Variants in RPS6KA2 observed in about 807,000 individuals in gnomAD.
The protein encoded by RPS6KA2 is ribosomal protein S6 kinase alpha-2.
Under a neutral mutation model 91.8 loss-of-function variants are expected in RPS6KA2, and 42 were observed. That is an observed-to-expected ratio of 0.46 (90% CI 0.36 to 0.59). The LOEUF (loss-of-function observed/expected upper bound fraction) is 0.59. Among genes scored for constraint, RPS6KA2 ranks in the 20% least tolerant of loss-of-function variants. The pLI is 0.00. For synonymous variants in RPS6KA2, 414 were observed against 393.6 expected (o/e 1.05, Z -0.61); for missense variants, 798 against 978.5 (o/e 0.82, Z 2.46).
chr6:166,519,174 A>C (rs1231656820), intron 3 of RPS6KA2, among the ~76,000 whole-genome samples: 3 of 152,238 alleles, frequency 2.0e-5, no homozygotes, highest in African/African-American at 7.2e-5. Flanking sequence ...ATGTATAAAA[A>C]AGAAAACCAA....
chr6:166,701,013 A>G, intron 2 of RPS6KA2: 2 of 1,081,866 alleles, frequency 1.8e-6, no homozygotes, highest in Non-Finnish European at 2.8e-6. Context: ...GATTCTGGAT[A>G]GGGGGTCAGC....
intron 2 of RPS6KA2, among the ~76,000 whole-genome samples, chr6:166,730,867 G>A (rs552606708): frequency 1.3e-5 from 2 of 152,116 alleles, no homozygotes; most frequent in African/African-American, 4.8e-5. Context: ...TGTAGTATCC[G>A]GGTAGTCATC....
chr6:166,538,605 C>T lies in RPS6KA2; in HGVS notation c.216+63G>A. ...CGCCTGCAATTTTCATCCAGGGGGG[C>T]TCTGTCCAGGTGTCCTTTGTGTTCA... On this transcript the variant is annotated intron_variant, in intron 2 of 20. Coordinates refer to ENST00000265678, the MANE Select transcript of RPS6KA2 (RefSeq NM_021135.6). 2 of 911,962 alleles carry T rather than the reference C, an allele frequency of 2.2e-6. 1 individual carries two copies. The highest frequency in any genetic ancestry group is 2.8e-5 in the South Asian group (2 of 71,744). The allele number at this position is 911,962 out of a possible 1,614,324, so 56.5% of individuals were successfully genotyped here.
intron 1 of RPS6KA2, among the ~76,000 whole-genome samples, chr6:166,625,760 G>C (rs573315232): frequency 1.6e-4 from 24 of 152,062 alleles, no homozygotes; most frequent in South Asian, 1.0e-3. Flanking sequence ...TCCAGTACTG[G>C]ATTAACAGTT....
intron 2 of RPS6KA2, among the ~76,000 whole-genome samples, chr6:166,806,444 T>C (rs1779494216): frequency 6.6e-6 from 1 of 152,198 alleles, no homozygotes; most frequent in Non-Finnish European, 1.5e-5. Context: ...TCAAAAACTT[T>C]GGTGGCCAGA....
chr6:166,800,651 C>T (rs1169579192), intron 2 of RPS6KA2, among the ~76,000 whole-genome samples: 1 of 152,180 alleles, frequency 6.6e-6, no homozygotes, highest in Admixed American at 6.5e-5. Flanking sequence ...TCTTGGACTT[C>T]CGGCCTCCAG....
intron 6 of RPS6KA2, among the ~76,000 whole-genome samples, chr6:166,503,796 T>C (rs959628251): frequency 7.2e-5 from 11 of 152,252 alleles, no homozygotes; most frequent in Non-Finnish European, 1.5e-4. Flanking sequence ...ATGGGAACAC[T>C]ATTATTTTGG....
At chr6:166,606,446 C>G (rs540467219) in intron 1 of RPS6KA2, among the ~76,000 whole-genome samples, 34 of 152,344 alleles carry the variant, frequency 2.2e-4, no homozygotes, top group African/African-American at 7.5e-4. Context: ...ATCTAAGCAG[C>G]GTTGTGTAGG....
intron 2 of RPS6KA2, among the ~76,000 whole-genome samples, chr6:166,775,833 C>A (rs1418496780): frequency 6.6e-6 from 1 of 152,238 alleles, no homozygotes; most frequent in Non-Finnish European, 1.5e-5. Context: ...CTCGGAACTG[C>A]GAAGGGGCAG....
chr6:166,770,506 T>G lies in RPS6KA2; in HGVS notation c.123+87694A>C, dbSNP rs1778438397. On this transcript the variant is annotated intron_variant, in intron 2 of 21. Transcript: ENST00000503859. The surrounding 1 kb of genome is among the most constrained non-coding windows in gnomAD (Gnocchi z 5.1). The stretch of plus-strand genomic sequence containing the variant: ...TGCCGCTGGTAATTTCAGCTTATTT[T>G]GAAGGCACGTCGTAGTTTTAAAAGG... Among the ~76,000 whole-genome samples, 1 of 152,196 alleles carries G rather than the reference T, an allele frequency of 6.6e-6. No homozygotes were observed. The highest frequency in any genetic ancestry group is 2.4e-5 in the African/African-American group (1 of 41,440).
At position 166,488,821 on chromosome 6, in the gene RPS6KA2, G is replaced by A. The variant is rs377363303; in HGVS notation, c.907+12C>T. 3.3e-4 allele frequency: 529 copies of A among 1,606,142 alleles called. 2 individuals are homozygous for A. In the South Asian group the frequency reaches 4.0e-3, roughly 12 times the overall value. ...GCACGTTCCCGTGGTGGGGTGTCCC[G>A]GGGAATCTTACCCAGCCGGTTGCAG... On this transcript the variant is annotated intron_variant, in intron 10 of 20. Coordinates refer to ENST00000265678, the MANE Select transcript of RPS6KA2 (RefSeq NM_021135.6).
intron 5 of RPS6KA2, among the ~76,000 whole-genome samples, chr6:166,505,806 T>C (rs564062441): frequency 1.3e-5 from 2 of 152,194 alleles, no homozygotes; most frequent in Non-Finnish European, 2.9e-5. Flanking sequence ...CCCGGATGTA[T>C]GTTTCTTTTC....
intron 3 of RPS6KA2, among the ~76,000 whole-genome samples, chr6:166,516,824 G>A (rs192367638): frequency 1.3e-5 from 2 of 152,342 alleles, no homozygotes; most frequent in East Asian, 3.9e-4. Context: ...ATGATCTGAA[G>A]CTGAGACCTG....
At chr6:166,577,875 T>G (rs1457750012) in intron 1 of RPS6KA2, among the ~76,000 whole-genome samples, 1 of 152,214 alleles carries the variant, frequency 6.6e-6, no homozygotes, top group East Asian at 1.9e-4. Context: ...TGTACTGCCA[T>G]AATTCCCTTG....
In RPS6KA2 at chr6:166,480,521, T is replaced by TA. The variant is rs58223795; in HGVS notation, c.907+8311_907+8312insT. ...TATATATATATATATATATAATATA[T>TA]TTTTTTTTTTTGAGAGAGAGTTTTG... On this transcript the variant is annotated intron_variant, in intron 10 of 20. Transcript: ENST00000265678. Among the ~76,000 whole-genome samples, 45 of 111,398 alleles carry TA rather than the reference T, an allele frequency of 4.0e-4. 1 individual carries two copies. Among genetic ancestry groups the TA allele is most frequent in the African/African-American group, 1.7e-3 (41 of 23,974 alleles). 73.1% of individuals were successfully genotyped at this position (111,398 alleles called of 152,430 possible).
Position 166,437,804 on chromosome 6 carries a change from C to G in RPS6KA2, c.1333-5314G>C, listed in dbSNP as rs1191411356. Among the ~76,000 whole-genome samples, 1 of 152,126 alleles carries G rather than the reference C, an allele frequency of 6.6e-6. No individual in the cohort carries two copies. The highest frequency in any genetic ancestry group is 1.5e-5 in the Non-Finnish European group (1 of 68,002). ...GGCGACAACAGGAGACTTCGCTGCT[C>G]TTGATAACACCTTTCCTCCTGCTGG... On this transcript the variant is annotated intron_variant, in intron 14 of 20. Transcript: ENST00000265678. The surrounding 1 kb of genome is among the most constrained non-coding windows in gnomAD (Gnocchi z 4.3).
At chr6:166,746,159 C>T (rs1791002924) in intron 2 of RPS6KA2, among the ~76,000 whole-genome samples, 1 of 152,172 alleles carries the variant, frequency 6.6e-6, no homozygotes, top group South Asian at 2.1e-4. Flanking sequence ...CCTTGGGACG[C>T]ACACACCCAG....
Position 166,423,256 on chromosome 6 carries a change from C to T in RPS6KA2, c.1743G>A (p.Glu581=), listed in dbSNP as rs148410028. ...PCYTANFVAP[E]VLKRQGYDAA... is the part of the protein sequence containing the mutation. ...GGGTCTGCAGTCGGGGAATGCTCACCTCCGGGGCCACGAAATTGGCCGTGT... is the reference window on the plus strand; with the variant it reads ...GGGTCTGCAGTCGGGGAATGCTCACTTCCGGGGCCACGAAATTGGCCGTGT... The change falls in exon 17 of 21, where the codon GAG becomes GAA. Residue 581 remains glutamate, a splice_region_variant and synonymous_variant. Coordinates refer to ENST00000265678, the MANE Select transcript of RPS6KA2 (RefSeq NM_021135.6). The surrounding 1 kb of genome is among the most constrained non-coding windows in gnomAD (Gnocchi z 4.8). 7.6e-5 allele frequency: 123 copies of T among 1,609,884 alleles called. No individual in the cohort carries two copies. Among genetic ancestry groups the T allele is most frequent in the Middle Eastern group, 1.6e-4 (1 of 6,068 alleles).
intron 2 of RPS6KA2, among the ~76,000 whole-genome samples, chr6:166,714,319 C>G (rs905175483): frequency 6.6e-6 from 1 of 152,316 alleles, no homozygotes; most frequent in Middle Eastern, 3.4e-3. Context: ...GAGCTGAGCC[C>G]TGGTGCTCTT....
Sources: allele counts gnomAD v4.1 joint callset (sites outside exome capture counted in the v4.1 genomes callset), GRCh38; gene constraint gnomAD v4.1.1; non-coding constraint Gnocchi (gnomAD v3.1); transcripts MANE v1.5; gene names NCBI Gene and HGNC (gene_info 2026-07-23, HGNC 2026-07-21).